Variants in CCBE1 observed in about 807,000 individuals in gnomAD.
CCBE1 encodes collagen and calcium-binding EGF domain-containing protein 1.
A neutral mutation model predicts 50.0 loss-of-function variants in CCBE1; 37 were observed. That is an observed-to-expected ratio of 0.74 (90% confidence interval 0.57 to 0.97). The LOEUF (loss-of-function observed/expected upper bound fraction) is 0.97. CCBE1 is among the 50% of genes least tolerant of loss of function. CCBE1 has a pLI of 0.00. For missense variants in CCBE1, 538 were observed against 523.8 expected (o/e 1.03, Z -0.26); for synonymous variants, 234 against 203.7 (o/e 1.15, Z -1.27).
At chr18:59,522,280 A>G (rs1914633463) in intron 2 of CCBE1, among the ~76,000 whole-genome samples, 1 of 152,190 alleles carries the variant, frequency 6.6e-6, no homozygotes, top group African/African-American at 2.4e-5. Flanking sequence ...AAATGACAAC[A>G]TTAAGTGAAA....
In CCBE1 at chr18:59,645,987, C is replaced by T. The variant is rs374858409; in HGVS notation, c.212+50642G>A. ...CGGAGCTTGCAGTGAGCCGAGATTGCGCCACTGCAGTCCAGCCTCCTGGGT... is the reference window on the plus strand; with the variant it reads ...CGGAGCTTGCAGTGAGCCGAGATTGTGCCACTGCAGTCCAGCCTCCTGGGT... On this transcript the variant is annotated intron_variant, in intron 2 of 10. Coordinates refer to ENST00000439986, the MANE Select transcript of CCBE1 (RefSeq NM_133459.4). Among the ~76,000 whole-genome samples the T allele has an allele frequency of 2.0e-4, 30 of 151,766 alleles. 1 individual carries two copies. Among genetic ancestry groups the T allele is most frequent in the East Asian group, 7.8e-4 (4 of 5,150 alleles).
At chr18:59,607,671 A>G (rs577573402) in intron 2 of CCBE1, among the ~76,000 whole-genome samples, 2 of 152,346 alleles carry the variant, frequency 1.3e-5, no homozygotes, top group East Asian at 3.9e-4. Flanking sequence ...AATGTTGCAC[A>G]ATGGTTAGAC....
rs80326688 is a variant in CCBE1 at position 59,467,362 on chromosome 18, C to T, written c.401-471G>A. On this transcript the variant is annotated intron_variant, in intron 4 of 10. Coordinates refer to ENST00000439986, the MANE Select transcript of CCBE1 (RefSeq NM_133459.4). Reference sequence around the variant, plus strand: ...ATGGTATAGGTTCCAAACAGCATGACGATGACCCCACAGGTCACTTAGGAA... The same window carrying T: ...ATGGTATAGGTTCCAAACAGCATGATGATGACCCCACAGGTCACTTAGGAA... Among the ~76,000 whole-genome samples the T allele has an allele frequency of 2.8e-3, 421 of 152,232 alleles. 13 individuals carry two copies. The East Asian group carries it at 0.074, about 27-fold the overall frequency.
At chr18:59,638,801 T>G (rs550220818) in intron 2 of CCBE1, among the ~76,000 whole-genome samples, 1 of 152,182 alleles carries the variant, frequency 6.6e-6, no homozygotes, top group Admixed American at 6.5e-5. Context: ...ATTTATAATA[T>G]TAAAATTAGG....
At chr18:59,447,662 A>G (rs915226926) in intron 7 of CCBE1, among the ~76,000 whole-genome samples, 3 of 152,258 alleles carry the variant, frequency 2.0e-5, no homozygotes, top group African/African-American at 4.8e-5. Context: ...CCATTTTTGT[A>G]TATGTTAAAA....
At chr18:59,612,950 G>T (rs1272216853) in intron 2 of CCBE1, among the ~76,000 whole-genome samples, 1 of 151,446 alleles carries the variant, frequency 6.6e-6, no homozygotes, top group Non-Finnish European at 1.5e-5. Flanking sequence ...CACACATGTT[G>T]AAAGTATTAG....
chr18:59,461,387 C>T (rs955405280), intron 5 of CCBE1, among the ~76,000 whole-genome samples: 1 of 150,028 alleles, frequency 6.7e-6, no homozygotes, highest in Non-Finnish European at 1.5e-5. Context: ...CTTTAATGTT[C>T]AGGGCATGCA....
chr18:59,603,067 T>TGTTA (rs2053453384), intron 2 of CCBE1, among the ~76,000 whole-genome samples: 1 of 152,204 alleles, frequency 6.6e-6, no homozygotes, highest in Non-Finnish European at 1.5e-5. Flanking sequence ...AAACTCCATT[T>TGTTA]GTTAGTTGTT....
intron 2 of CCBE1, among the ~76,000 whole-genome samples, chr18:59,639,236 T>C (rs1240528353): frequency 3.3e-5 from 5 of 152,006 alleles, no homozygotes; most frequent in African/African-American, 1.2e-4. Context: ...CAACCCACAC[T>C]CCAGCACAGG....
rs545669563 is a variant in CCBE1, at chr18:59,588,632, G to A, written c.212+107997C>T. ...AAGTATTTCTCTTCTTAATTCTAGA[G>A]GGCCCCTCTTGCTGGGCTAATGCAG... On this transcript the variant is annotated intron_variant, in intron 2 of 10. Transcript: ENST00000439986. Among the ~76,000 whole-genome samples, 3 of 152,288 alleles carry A rather than the reference G, an allele frequency of 2.0e-5. No individual in the cohort carries two copies. The East Asian group carries it at 5.8e-4, about 29-fold the overall frequency.
intron 6 of CCBE1, among the ~76,000 whole-genome samples, chr18:59,452,455 A>C (rs891640271): frequency 2.0e-5 from 3 of 152,108 alleles, no homozygotes; most frequent in African/African-American, 7.2e-5. Flanking sequence ...TTAGCGTGGC[A>C]TGGTGGTAGG....
intron 5 of CCBE1, among the ~76,000 whole-genome samples, chr18:59,464,500 C>T (rs1324826601): frequency 5.9e-5 from 9 of 152,186 alleles, no homozygotes; most frequent in African/African-American, 1.9e-4. Context: ...CCTGGATGAT[C>T]GACAAGCCCG....
chr18:59,444,134 TTATCCATTGATGGACACCTGGGTTA>T (rs146698851), intron 7 of CCBE1, among the ~76,000 whole-genome samples: 2 of 151,390 alleles, frequency 1.3e-5, no homozygotes, highest in Non-Finnish European at 1.5e-5. Flanking sequence ...TTTTCCATTC[TTATCCATTGATGGACACCTGGGTTA>T]TATCCATTGA....
intron 2 of CCBE1, among the ~76,000 whole-genome samples, chr18:59,524,998 CTG>C (rs1374691648): frequency 4.8e-4 from 73 of 152,070 alleles, no homozygotes; most frequent in Non-Finnish European, 2.1e-4. Flanking sequence ...AGGGTTGATT[CTG>C]TGTCTTTGCT....
chr18:59,533,234 G>A (rs1348068152), intron 2 of CCBE1, among the ~76,000 whole-genome samples: 2 of 152,220 alleles, frequency 1.3e-5, no homozygotes, highest in East Asian at 1.9e-4. Context: ...TTAGAATTTT[G>A]TTAGTTTAAA....
At position 59,432,681 on chromosome 18, in the gene CCBE1, A is replaced by G. The variant is rs568770504; in HGVS notation, c.*3227T>C. On this transcript the variant is annotated 3_prime_UTR_variant, in exon 11 of 11. Transcript: ENST00000439986. ...TAACTTGGTCCAGCAGATTGACATT[A>G]TAAAATACAGGTTACCATAAGTTTT... The G allele has an allele frequency of 6.6e-6, 1 of 152,360 alleles. No homozygotes were observed. Among genetic ancestry groups the G allele is most frequent in the East Asian group, 1.9e-4 (1 of 5,188 alleles). The allele number at this position is 152,360 out of a possible 1,614,324, so 9.4% of individuals were successfully genotyped here.
At chr18:59,592,416 G>C (rs1426253924) in intron 2 of CCBE1, among the ~76,000 whole-genome samples, 3 of 152,018 alleles carry the variant, frequency 2.0e-5, no homozygotes, top group African/African-American at 7.3e-5. Context: ...TTTTGAAAAA[G>C]GCAACTCAAA....
At chr18:59,539,596 A>T (rs1307306546) in intron 2 of CCBE1, among the ~76,000 whole-genome samples, 1 of 152,230 alleles carries the variant, frequency 6.6e-6, no homozygotes, top group Non-Finnish European at 1.5e-5. Flanking sequence ...GCATTTTGTT[A>T]TGCAGCAATA....
At chr18:59,618,350 A>G (rs139717062) in intron 2 of CCBE1, among the ~76,000 whole-genome samples, 80 of 152,250 alleles carry the variant, frequency 5.3e-4, no homozygotes, top group African/African-American at 1.8e-3. Flanking sequence ...AAAAAAAATG[A>G]GATGTAAAAT....
Sources: allele counts gnomAD v4.1 joint callset (sites outside exome capture counted in the v4.1 genomes callset), GRCh38; gene constraint gnomAD v4.1.1; transcripts MANE v1.5; gene names NCBI Gene and HGNC (gene_info 2026-07-23, HGNC 2026-07-21).